The following ANAPC4 variants were observed in gnomAD, a reference collection of about 807,000 sequenced individuals.
The protein encoded by ANAPC4 is anaphase-promoting complex subunit 4.
In ANAPC4, 63 loss-of-function variants were observed where a neutral mutation model predicts 119.8. The ratio of observed to expected loss-of-function variants is 0.53; its 90% CI spans 0.43 to 0.65. The LOEUF is 0.65. Among genes scored for constraint, ANAPC4 ranks in the 30% least tolerant of loss-of-function variants. ANAPC4 has a pLI of 0.00. For missense variants in ANAPC4, 716 were observed against 945.1 expected (o/e 0.76, Z 3.18); for synonymous variants, 283 against 318.6 (o/e 0.89, Z 1.19).
At chr4:25,394,762 A>AT (rs143733600) in intron 13 of ANAPC4, 49 bp downstream of exon 13, 3,135 of 1,484,002 alleles carry the variant, frequency 2.1e-3, no homozygotes, top group Admixed American at 3.9e-3. Flanking sequence ...CACATTCTTA[A>AT]TTTTTTTTTT....
chr4:25,389,272 C>A (rs1439500029), intron 7 of ANAPC4, among the ~76,000 whole-genome samples: 1 of 151,254 alleles, frequency 6.6e-6, no homozygotes, highest in Non-Finnish European at 1.5e-5. Context: ...GATTCTTCTG[C>A]CTCAGCCTCC....
intron 20 of ANAPC4, 140 bp downstream of exon 20, chr4:25,407,393 A>G: frequency 1.7e-6 from 1 of 579,708 alleles, no homozygotes; most frequent in Non-Finnish European, 2.8e-6. Context: ...GTTTTTAAAC[A>G]TTTTGATCTG....
Position 25,395,089 on chromosome 4 carries a change from T to G in ANAPC4, c.1061+184T>G, listed in dbSNP as rs1233218507. 1.1e-5 allele frequency: 6 copies of G among 527,566 alleles called. No homozygotes were observed. The South Asian group carries it at 1.5e-4, about 13-fold the overall frequency. 32.7% of individuals were successfully genotyped at this position (527,566 alleles called of 1,614,324 possible). A position where few individuals can be genotyped will look rare whatever the true frequency, so the allele number is the denominator to read the frequency against. On this transcript the variant is annotated intron_variant, in intron 14 of 28. Transcript: ENST00000315368. ...TGAAAGAGTCAATAATAATTCTGCT[T>G]TATGAAGTAATTTTCCAACATCTTT...
intron 26 of ANAPC4, chr4:25,415,782 C>T (rs1274403138): frequency 2.8e-6 from 1 of 357,402 alleles, no homozygotes; most frequent in African/African-American, 2.1e-5. Flanking sequence ...TCCTGAGCTC[C>T]CTGTTGACAA....
chr4:25,413,463 A>G, intron 21 of ANAPC4, 182 bp from the exon 22 acceptor site: 1 of 499,324 alleles, frequency 2.0e-6, no homozygotes, highest in Non-Finnish European at 3.5e-6. Flanking sequence ...GCGGGGGTTG[A>G]TGAAAGGCAG....
rs776116087 is a variant in ANAPC4, at chr4:25,390,218, G to A, written c.598G>A (p.Gly200Arg). The change falls in exon 8 of 29, where the codon GGG (glycine) becomes AGG (arginine). Residue 200 changes from glycine (G) to arginine (R), a missense_variant and splice_region_variant. By Grantham distance (125) the Gly-to-Arg change is moderately radical (BLOSUM62 -2). Around this residue, in one of 3 missense-constraint regions of ANAPC4, gnomAD observed 202 missense variants for 293.5 expected, o/e 0.69. Coordinates refer to ENST00000315368, the MANE Select transcript of ANAPC4 (RefSeq NM_013367.3). ...YGMFKIARVT[G>R]IAGTCLALCL... Reference sequence around the variant, plus strand: ...AATGTTTAAAATTGCTCGAGTCACAGGGGTAAGATTTCTTTAACATTTTCT... The same window carrying A: ...AATGTTTAAAATTGCTCGAGTCACAAGGGTAAGATTTCTTTAACATTTTCT... 8 of 1,605,748 alleles carry A rather than the reference G, an allele frequency of 5.0e-6. No homozygotes were observed. The highest frequency in any genetic ancestry group is 6.8e-6 in the Non-Finnish European group (8 of 1,173,914).
At chr4:25,399,640 A>G (rs1435109938) in intron 16 of ANAPC4, among the ~76,000 whole-genome samples, 2 of 152,108 alleles carry the variant, frequency 1.3e-5, no homozygotes, top group East Asian at 3.9e-4. Flanking sequence ...CCACCCTGTC[A>G]GTGTGTTAGA....
intron 20 of ANAPC4, among the ~76,000 whole-genome samples, chr4:25,407,893 T>G (rs1225030124): frequency 6.6e-6 from 1 of 151,912 alleles, no homozygotes; most frequent in Non-Finnish European, 1.5e-5. Flanking sequence ...AGACTCAGTC[T>G]CAAAAGAAAA....
intron 9 of ANAPC4, among the ~76,000 whole-genome samples, chr4:25,391,985 T>TGATA (rs1378152508): frequency 6.6e-6 from 1 of 152,274 alleles, no homozygotes; most frequent in African/African-American, 2.4e-5. Flanking sequence ...CATATACCAT[T>TGATA]GATAGATATT....
chr4:25,416,455 T>C lies in ANAPC4; in HGVS notation c.1932T>C (p.Tyr644=). The change falls in exon 27 of 29, where the codon TAT becomes TAC. Residue 644 remains tyrosine, a synonymous_variant. Transcript: ENST00000315368. ...SIYSCLDAQF[Y]DDETVTVVLK... is the part of the protein sequence containing the mutation. ...ACAGTTGTTTAGATGCACAGTTTTA[T>C]GATGATGAAACTGTAACAGTAGTTC... is the stretch of plus-strand genomic sequence containing the variant. The C allele has an allele frequency of 1.3e-6, 2 of 1,581,262 alleles. No homozygotes were observed. The highest frequency in any genetic ancestry group is 1.7e-6 in the Non-Finnish European group (2 of 1,160,056).
chr4:25,387,130 T>C (rs887638761), intron 4 of ANAPC4, among the ~76,000 whole-genome samples: 1 of 152,216 alleles, frequency 6.6e-6, no homozygotes, highest in East Asian at 1.9e-4. Flanking sequence ...TCTTTGTCCA[T>C]GGTCCTGATA....
At chr4:25,401,235 GT>G (rs1722949577) in intron 16 of ANAPC4, among the ~76,000 whole-genome samples, 1 of 152,018 alleles carries the variant, frequency 6.6e-6, no homozygotes, top group South Asian at 2.1e-4. Flanking sequence ...CAGATGCTTG[GT>G]TGCTTACTCA....
intron 9 of ANAPC4, 85 bp downstream of exon 9, chr4:25,391,100 T>C: frequency 9.7e-7 from 1 of 1,026,264 alleles, no homozygotes; most frequent in East Asian, 2.5e-5. Context: ...CTCACTGTAT[T>C]GTAATGATCA....
chr4:25,418,402 G>A lies in ANAPC4; in HGVS notation c.*20G>A. ...TCCTAATCTAGCTTGCCATTATTGT[G>A]TGTGTAATTATGGCCAAAAGGACAT... On this transcript the variant is annotated 3_prime_UTR_variant, in exon 29 of 29. Coordinates refer to ENST00000315368, the MANE Select transcript of ANAPC4 (RefSeq NM_013367.3). 6.2e-7 allele frequency: 1 copy of A among 1,608,712 alleles called. No homozygotes were observed. The highest frequency in any genetic ancestry group is 8.5e-7 in the Non-Finnish European group (1 of 1,175,670).
Position 25,406,848 on chromosome 4 carries a change from C to A in ANAPC4, c.1337C>A (p.Thr446Lys). Residue 446 changes from threonine (T) to lysine (K), a missense_variant, in exon 19 of 29, where the codon ACA becomes AAA. Thr to Lys is a moderately conservative substitution (Grantham distance 78, BLOSUM62 -1). Around this residue, in one of 3 missense-constraint regions of ANAPC4, gnomAD observed 504 missense variants for 615.8 expected, o/e 0.82. Transcript: ENST00000315368. ...ELNKMTQKDI[T>K]FVAEFLTEHF... Reference sequence around the variant, plus strand: ...TGATAGATGACTCAGAAAGATATCACATTTGTTGCTGAATTTCTTACTGAA... The same window carrying A: ...TGATAGATGACTCAGAAAGATATCAAATTTGTTGCTGAATTTCTTACTGAA... 1 of 1,603,566 alleles carries A rather than the reference C, an allele frequency of 6.2e-7. No individual in the cohort carries two copies. The highest frequency in any genetic ancestry group is 1.3e-5 in the African/African-American group (1 of 74,580).
At chr4:25,384,832 C>A (rs1721942661) in intron 4 of ANAPC4, among the ~76,000 whole-genome samples, 1 of 151,454 alleles carries the variant, frequency 6.6e-6, no homozygotes, top group Non-Finnish European at 1.5e-5. Flanking sequence ...GTTGAAATTA[C>A]CATTTGACCC....
intron 7 of ANAPC4, among the ~76,000 whole-genome samples, chr4:25,389,611 C>A (rs1434182047): frequency 6.6e-6 from 1 of 152,142 alleles, no homozygotes; most frequent in African/African-American, 2.4e-5. Context: ...GACATTAATA[C>A]CTTCAAACAA....
chr4:25,411,100 T>C (rs1317601387), intron 21 of ANAPC4, among the ~76,000 whole-genome samples: 1 of 152,202 alleles, frequency 6.6e-6, no homozygotes, highest in Non-Finnish European at 1.5e-5. Context: ...GAACCTATTA[T>C]GTATTGCCAG....
chr4:25,397,004 AT>A, intron 16 of ANAPC4, 105 bp downstream of exon 16: 2 of 1,183,514 alleles, frequency 1.7e-6, no homozygotes, highest in Non-Finnish European at 2.4e-6. Flanking sequence ...CAGTTTTTAA[AT>A]TTTTATCACA....
Sources: allele counts gnomAD v4.1 joint callset (sites outside exome capture counted in the v4.1 genomes callset), GRCh38; gene constraint gnomAD v4.1.1; regional missense constraint gnomAD v4.1.1; transcripts MANE v1.5; gene names NCBI Gene and HGNC (gene_info 2026-07-23, HGNC 2026-07-21).